PLPPR1: variants seen among roughly 807,000 people sequenced by gnomAD.
PLPPR1 encodes the protein phospholipid phosphatase related 1.
Under a neutral mutation model 33.1 loss-of-function variants are expected in PLPPR1, and 10 were observed. The observed-to-expected ratio is 0.30, with a 90% CI of 0.19 to 0.51. PLPPR1 has a LOEUF of 0.51. Among genes scored for constraint, PLPPR1 ranks in the 20% least tolerant of loss-of-function variants. The pLI is 0.97. For missense variants in PLPPR1, 304 were observed against 408.1 expected, an observed-to-expected ratio of 0.74 and a Z score of 2.20; for synonymous variants, 151 against 151.0, an observed-to-expected ratio of 1.00 and a Z score of 0.00.
At chr9:101,090,441 G>A (rs576958217) in intron 1 of PLPPR1, among the ~76,000 whole-genome samples, 10 of 152,276 alleles carry the variant, frequency 6.6e-5, no homozygotes, top group African/African-American at 2.2e-4. Flanking sequence ...GAAAAACTGT[G>A]TGCACACACA....
At chr9:101,149,949 A>T (rs1346466167) in intron 1 of PLPPR1, among the ~76,000 whole-genome samples, 1 of 152,032 alleles carries the variant, frequency 6.6e-6, no homozygotes, top group Non-Finnish European at 1.5e-5. Context: ...TGACTTCTAC[A>T]TCTATCATCT....
At chr9:101,233,274 C>G (rs1391833593) in intron 2 of PLPPR1, among the ~76,000 whole-genome samples, 1 of 151,950 alleles carries the variant, frequency 6.6e-6, no homozygotes, top group African/African-American at 2.4e-5. Flanking sequence ...ATTTTAGGGC[C>G]ATTCTTCATT....
At chr9:101,134,815 G>A (rs1039005734) in intron 1 of PLPPR1, among the ~76,000 whole-genome samples, 2 of 152,138 alleles carry the variant, frequency 1.3e-5, no homozygotes, top group South Asian at 2.1e-4. Context: ...TGTGGGACAC[G>A]GTGGAACTGG....
At chr9:101,030,733 TG>T (rs1829935331) in intron 1 of PLPPR1, among the ~76,000 whole-genome samples, 2 of 151,722 alleles carry the variant, frequency 1.3e-5, no homozygotes, top group Non-Finnish European at 2.9e-5. Flanking sequence ...TCCTCACGGG[TG>T]GGGGTGAGGG....
chr9:101,172,535 G>A (rs113528896), intron 1 of PLPPR1, among the ~76,000 whole-genome samples: 1 of 152,160 alleles, frequency 6.6e-6, no homozygotes, highest in Non-Finnish European at 1.5e-5. Context: ...TCTTGGCCCT[G>A]TGTAAACCCC....
chr9:101,085,955 GTCA>G (rs1830670488), intron 1 of PLPPR1, among the ~76,000 whole-genome samples: 1 of 152,092 alleles, frequency 6.6e-6, no homozygotes, highest in Non-Finnish European at 1.5e-5. Flanking sequence ...TTTTCAATCT[GTCA>G]TCATTATGTA....
At chr9:101,234,093 A>G (rs905956809) in intron 2 of PLPPR1, among the ~76,000 whole-genome samples, 3 of 151,762 alleles carry the variant, frequency 2.0e-5, no homozygotes, top group African/African-American at 7.3e-5. Flanking sequence ...TTACATTTAC[A>G]TGGTCTCCTC....
At chr9:101,170,378 T>A (rs1825921462) in intron 1 of PLPPR1, among the ~76,000 whole-genome samples, 1 of 152,076 alleles carries the variant, frequency 6.6e-6, no homozygotes, top group Non-Finnish European at 1.5e-5. Context: ...GCAAGACACA[T>A]CTTACATGGC....
chr9:101,196,269 A>G (rs1826391157), intron 2 of PLPPR1, among the ~76,000 whole-genome samples: 1 of 152,164 alleles, frequency 6.6e-6, no homozygotes, highest in Non-Finnish European at 1.5e-5. Context: ...ATAAAAACAG[A>G]CTTTATAGGA....
chr9:101,133,361 C>T (rs1017167865), intron 1 of PLPPR1, among the ~76,000 whole-genome samples: 4 of 152,130 alleles, frequency 2.6e-5, no homozygotes, highest in African/African-American at 9.7e-5. Context: ...CATTAAAGCA[C>T]TATAACTTGT....
At chr9:101,179,804 T>A (rs1440826976) in intron 1 of PLPPR1, among the ~76,000 whole-genome samples, 1 of 152,016 alleles carries the variant, frequency 6.6e-6, no homozygotes, top group Non-Finnish European at 1.5e-5. Flanking sequence ...CCAAAGGATA[T>A]TAACATTTGA....
intron 1 of PLPPR1, among the ~76,000 whole-genome samples, chr9:101,142,443 G>A (rs534802450): frequency 6.6e-6 from 1 of 152,262 alleles, no homozygotes; most frequent in African/African-American, 2.4e-5. Flanking sequence ...GTTTGGACTT[G>A]GTTTTATTTG....
At position 101,060,155 on chromosome 9, in the gene PLPPR1, T is replaced by A. The variant is rs1830327285; in HGVS notation, c.-46+31053T>A. 3.3e-5 allele frequency among the ~76,000 whole-genome samples: 5 copies of A among 152,122 alleles called. No homozygotes were observed. In the South Asian group the frequency reaches 1.0e-3, roughly 32 times the overall value. ...ATTCAGCCTTAATAAAAGAAGGAAA[T>A]CCTGTCATTCGCAACAAGATGGATG... On this transcript the variant is annotated intron_variant, in intron 1 of 7. Coordinates refer to ENST00000374874, the MANE Select transcript of PLPPR1 (RefSeq NM_207299.2).
intron 7 of PLPPR1, among the ~76,000 whole-genome samples, chr9:101,318,789 C>A (rs918324599): frequency 1.3e-5 from 2 of 151,486 alleles, no homozygotes; most frequent in Non-Finnish European, 2.9e-5. Context: ...AAAACAAAAA[C>A]AAACAAACAA....
intron 1 of PLPPR1, among the ~76,000 whole-genome samples, chr9:101,184,818 TAAATG>T (rs1826177445): frequency 6.6e-6 from 1 of 151,978 alleles, no homozygotes; most frequent in African/African-American, 2.4e-5. Flanking sequence ...TCTTATAAGT[TAAATG>T]AAATGTGTTA....
rs149256096 is a variant in PLPPR1 at position 101,228,888 on chromosome 9, C to A, written c.64-40992C>A. Among the ~76,000 whole-genome samples, 404 of 151,996 alleles carry A rather than the reference C, an allele frequency of 2.7e-3. 2 individuals carry two copies. The highest frequency in any genetic ancestry group is 9.4e-3 in the African/African-American group (388 of 41,436). On this transcript the variant is annotated intron_variant, in intron 2 of 7. Transcript: ENST00000374874. ...AATAGAAACTCGCAGGAGAAAAATA[C>A]AAAATAAGTGAGTTGAATGGATAAG... is the stretch of plus-strand genomic sequence containing the variant.
At chr9:101,237,978 C>CATATATATATATATATAT (rs1464878741) in intron 2 of PLPPR1, among the ~76,000 whole-genome samples, 1 of 75,306 alleles carries the variant, frequency 1.3e-5, no homozygotes, top group African/African-American at 7.8e-5. Flanking sequence ...GGCTATATAG[C>CATATATATATATATATAT]CTATATATAT....
At chr9:101,153,494 GT>G (rs1444827228) in intron 1 of PLPPR1, among the ~76,000 whole-genome samples, 2 of 152,138 alleles carry the variant, frequency 1.3e-5, no homozygotes, top group Non-Finnish European at 2.9e-5. Flanking sequence ...AATGCTTCCA[GT>G]TTTTGCCCAT....
At chr9:101,154,585 C>A (rs1831649239) in intron 1 of PLPPR1, among the ~76,000 whole-genome samples, 1 of 152,060 alleles carries the variant, frequency 6.6e-6, no homozygotes, top group Non-Finnish European at 1.5e-5. Context: ...CTAGAAATAT[C>A]ATTTGACCCA....
Sources: gnomAD v4.1 joint callset for allele counts (sites outside exome capture counted in the v4.1 genomes callset) on GRCh38, gnomAD v4.1.1 for gene constraint, MANE v1.5 for transcripts, NCBI Gene and HGNC (gene_info 2026-07-23, HGNC 2026-07-21) for gene names.